Variants in MED12L observed in about 807,000 individuals in gnomAD.
MED12L encodes mediator of RNA polymerase II transcription subunit 12-like protein.
Under a neutral mutation model 281.3 loss-of-function variants are expected in MED12L, and 60 were observed. The ratio of observed to expected loss-of-function variants is 0.21; its 90% CI spans 0.17 to 0.26. The LOEUF is 0.26. Among genes scored for constraint, MED12L ranks in the 10% least tolerant of loss-of-function variants. The probability of loss-of-function intolerance (pLI) is 1.00; values close to 1 mark genes in which losing one functional copy is unlikely to be tolerated. For missense variants in MED12L, 2,146 were observed against 2,680.9 expected, an observed-to-expected ratio of 0.80 and a Z score of 4.41; for synonymous variants, 974 against 987.2, an observed-to-expected ratio of 0.99 and a Z score of 0.25.
intron 13 of MED12L, among the ~76,000 whole-genome samples, chr3:151,189,700 A>G (rs1436043480): frequency 6.6e-6 from 1 of 152,222 alleles, no homozygotes; most frequent in Non-Finnish European, 1.5e-5. Context: ...TGTTCCTTGG[A>G]TAAATGTGTC....
At chr3:151,140,913 G>A (rs111370508) in intron 5 of MED12L, among the ~76,000 whole-genome samples, 5,759 of 152,066 alleles carry the variant, frequency 0.038, 352 homozygotes, top group African/African-American at 0.13. Context: ...TGTTGCCCAG[G>A]CTGGAGTGCA....
chr3:151,152,572 T>G (rs1414804044), intron 5 of MED12L, among the ~76,000 whole-genome samples: 1 of 152,174 alleles, frequency 6.6e-6, no homozygotes, highest in African/African-American at 2.4e-5. Flanking sequence ...ATCAGTTTCC[T>G]TTCTACTGAC....
chr3:151,297,097 T>C (rs951543827), intron 16 of MED12L, among the ~76,000 whole-genome samples: 1 of 152,226 alleles, frequency 6.6e-6, no homozygotes, highest in African/African-American at 2.4e-5. Context: ...TTACACAGGC[T>C]AGTAATTTAT....
intron 43 of MED12L, among the ~76,000 whole-genome samples, chr3:151,416,762 A>G: frequency 6.6e-6 from 1 of 152,216 alleles, no homozygotes; most frequent in East Asian, 1.9e-4. Flanking sequence ...GTGTCTTACC[A>G]TACTTTGATT....
At chr3:151,287,894 A>G (rs532595919) in intron 16 of MED12L, among the ~76,000 whole-genome samples, 2 of 152,034 alleles carry the variant, frequency 1.3e-5, no homozygotes, top group South Asian at 4.1e-4. Context: ...CTTTTTAATA[A>G]ACTTTATAGA....
At chr3:151,258,504 A>AT (rs1191497242) in intron 16 of MED12L, among the ~76,000 whole-genome samples, 1 of 152,116 alleles carries the variant, frequency 6.6e-6, no homozygotes, top group Non-Finnish European at 1.5e-5. Context: ...AACAATGAGA[A>AT]TTTTCACATT....
chr3:151,146,903 G>A (rs1220963254), intron 5 of MED12L, among the ~76,000 whole-genome samples: 1 of 152,154 alleles, frequency 6.6e-6, no homozygotes, highest in Non-Finnish European at 1.5e-5. Context: ...CTGGCCAGTG[G>A]TCTGACTCTG....
rs370825277 is a variant in MED12L at position 151,243,133 on chromosome 3, T to C, written c.2250+49467T>C. Among the ~76,000 whole-genome samples, 67 of 152,130 alleles carry C rather than the reference T, an allele frequency of 4.4e-4. 1 individual carries two copies. The highest frequency in any genetic ancestry group is 1.5e-3 in the African/African-American group (62 of 41,486). On this transcript the variant is annotated intron_variant, in intron 16 of 44. Coordinates refer to ENST00000687756, the MANE Select transcript of MED12L (RefSeq NM_001393769.1). ...GGGCTGTGTGAAAAGACCAAATCTA[T>C]GTCTGCTTGGTGTACCTGAAAGTGA...
At chr3:151,185,258 G>C (rs948677170) in intron 11 of MED12L, 72 bp from the exon 12 acceptor site, 65 of 1,495,798 alleles carry the variant, frequency 4.3e-5, no homozygotes, top group Non-Finnish European at 5.5e-5. Flanking sequence ...ATATTCCCTT[G>C]CTTGCTTCCT....
intron 32 of MED12L, among the ~76,000 whole-genome samples, 160 bp downstream of exon 32, chr3:151,380,384 G>T (rs1205547607): frequency 5.9e-5 from 9 of 152,088 alleles, no homozygotes. Context: ...ATCACCTGAG[G>T]CCAGGAGTTC....
chr3:151,328,119 C>G, intron 16 of MED12L: 1 of 1,612,642 alleles, frequency 6.2e-7, no homozygotes, highest in African/African-American at 1.3e-5. Context: ...ATTAAGGGAT[C>G]CATACAAATG....
chr3:151,434,219 TC>T lies in MED12L; in HGVS notation c.*1416del, dbSNP rs1446270604. The T allele has an allele frequency of 6.6e-6, 1 of 152,226 alleles. No individual in the cohort carries two copies. The highest frequency in any genetic ancestry group is 2.4e-5 in the African/African-American group (1 of 41,460). 9.4% of individuals were successfully genotyped at this position (152,226 alleles called of 1,614,324 possible). A position where few individuals can be genotyped will look rare whatever the true frequency, so the allele number is the denominator to read the frequency against. On this transcript the variant is annotated 3_prime_UTR_variant, in exon 45 of 45. Coordinates refer to ENST00000687756, the MANE Select transcript of MED12L (RefSeq NM_001393769.1). ...GTCTATAATGAGCAGACCATGTAAA[TC>T]TACTTTTTTTAAAATGTAGCTAGTA...
At chr3:151,117,526 T>C (rs1474038374) in intron 3 of MED12L, among the ~76,000 whole-genome samples, 3 of 152,132 alleles carry the variant, frequency 2.0e-5, no homozygotes, top group Admixed American at 1.3e-4. Context: ...CGTATTCCGT[T>C]TTTAGGTCTC....
At chr3:151,090,067 A>T (rs1238648485) in intron 2 of MED12L, among the ~76,000 whole-genome samples, 1 of 151,982 alleles carries the variant, frequency 6.6e-6, no homozygotes, top group Non-Finnish European at 1.5e-5. Context: ...CTGCCTGGAC[A>T]CCTGTCTAGC....
At chr3:151,269,397 T>TCTCACACACACACACACA (rs925857835) in intron 16 of MED12L, 1 of 144,616 alleles carries the variant, frequency 6.9e-6, no homozygotes, top group African/African-American at 2.9e-5. Context: ...TGAAACTCCA[T>TCTCACACACACACACACA]CACACACACA....
rs759455216 is a variant in MED12L at position 151,164,039 on chromosome 3, G to A, written c.1254G>A (p.Gln418=). The change falls in exon 9 of 45, where the codon CAG becomes CAA. Residue 418 remains glutamine (Q), a synonymous_variant. Transcript: ENST00000687756. ...CGGGTGGGAACACGGCTTTCAATCA[G>A]CAGGTAGACTTTATGTTTCAGTGAT... ...PMPGGNTAFN[Q]QVRARIYEVE... is the part of the protein sequence containing the mutation. 4 of 1,612,588 alleles carry A rather than the reference G, an allele frequency of 2.5e-6. No individual in the cohort carries two copies. The African/African-American group carries it at 5.3e-5, about 22-fold the overall frequency.
intron 16 of MED12L, among the ~76,000 whole-genome samples, chr3:151,341,045 C>T (rs1424413969): frequency 6.6e-6 from 1 of 152,070 alleles, no homozygotes; most frequent in Non-Finnish European, 1.5e-5. Context: ...TGAGATCAAG[C>T]CTTCGAAGTC....
chr3:151,221,292 A>G (rs771244042), intron 16 of MED12L, among the ~76,000 whole-genome samples: 9 of 152,240 alleles, frequency 5.9e-5, no homozygotes, highest in Non-Finnish European at 1.0e-4. Flanking sequence ...GCAGCCTGAC[A>G]ATGCAATAGA....
chr3:151,354,206 A>G (rs1753644033), intron 17 of MED12L, among the ~76,000 whole-genome samples: 2 of 151,248 alleles, frequency 1.3e-5, no homozygotes, highest in South Asian at 4.2e-4. Flanking sequence ...CATATATCCA[A>G]CTTTTCCTTT....
Sources: gnomAD v4.1 joint callset for allele counts (sites outside exome capture counted in the v4.1 genomes callset) on GRCh38, gnomAD v4.1.1 for gene constraint, MANE v1.5 for transcripts, NCBI Gene and HGNC (gene_info 2026-07-23, HGNC 2026-07-21) for gene names.